Variants in CAST observed in about 807,000 individuals in gnomAD.
CAST encodes the protein calpastatin.
A neutral mutation model predicts 119.6 loss-of-function variants in CAST; 76 were observed. The observed-to-expected ratio is 0.64, with a 90% CI of 0.53 to 0.77. The LOEUF is 0.77. Among genes scored for constraint, CAST ranks in the 30% least tolerant of loss-of-function variants. CAST has a pLI of 0.00. For missense variants in CAST, 953 were observed against 946.5 expected (o/e 1.01, Z -0.09); for synonymous variants, 319 against 331.6 (o/e 0.96, Z 0.41).
chr5:96,662,729 AG>A (rs896066801), intron 1 of CAST, among the ~76,000 whole-genome samples: 9 of 151,716 alleles, frequency 5.9e-5, no homozygotes, highest in African/African-American at 2.2e-4. Context: ...GGTAGAGTGG[AG>A]GGGGGGACGC....
the CAST span, among the ~76,000 whole-genome samples, chr5:96,469,549 T>C: frequency 6.6e-6 from 1 of 151,980 alleles, no homozygotes; most frequent in South Asian, 2.1e-4. Context: ...GGATTATTCC[T>C]CAGGTTGTTG....
chr5:96,723,254 C>T (rs569851215), intron 4 of CAST, among the ~76,000 whole-genome samples: 5 of 152,176 alleles, frequency 3.3e-5, no homozygotes, highest in Admixed American at 6.5e-5. Flanking sequence ...AATGAGCCAC[C>T]GTGCCCGTGG....
At chr5:96,537,007 A>G (rs1745828607) in intron 1 of CAST, among the ~76,000 whole-genome samples, 2 of 152,258 alleles carry the variant, frequency 1.3e-5, no homozygotes, top group Non-Finnish European at 2.9e-5. Context: ...GAATCTACCC[A>G]GTGCTCAAAT....
the CAST span, among the ~76,000 whole-genome samples, chr5:96,095,902 G>GA: frequency 6.6e-6 from 1 of 152,090 alleles, no homozygotes; most frequent in Non-Finnish European, 1.5e-5. Context: ...TTAAATAACA[G>GA]AAAAAAGCAG....
At chr5:96,624,284 C>G (rs1025905075) in intron 1 of CAST, among the ~76,000 whole-genome samples, 4 of 152,168 alleles carry the variant, frequency 2.6e-5, no homozygotes, top group Non-Finnish European at 5.9e-5. Flanking sequence ...TATCCTTAGA[C>G]AGTAGAGTGT....
chr5:96,396,926 C>A, the CAST span, among the ~76,000 whole-genome samples: 27 of 152,168 alleles, frequency 1.8e-4, no homozygotes, highest in Non-Finnish European at 8.8e-5. Context: ...ATAGCTATTG[C>A]AGAATAATCA....
chr5:96,370,373 C>A, the CAST span, among the ~76,000 whole-genome samples: 3 of 152,202 alleles, frequency 2.0e-5, no homozygotes, highest in South Asian at 4.2e-4. Context: ...AAGAAGCAAG[C>A]AGCTGTAACA....
chr5:96,164,653 C>A, the CAST span, among the ~76,000 whole-genome samples: 14 of 152,106 alleles, frequency 9.2e-5, no homozygotes, highest in Non-Finnish European at 2.1e-4. Context: ...CCTATAATAG[C>A]CTGAACGTTG....
intron 1 of CAST, among the ~76,000 whole-genome samples, chr5:96,540,218 G>GA (rs1745887119): frequency 6.6e-6 from 1 of 151,642 alleles, no homozygotes; most frequent in African/African-American, 2.4e-5. Flanking sequence ...AAATCATAAG[G>GA]AAAAAAGTCA....
the CAST span, among the ~76,000 whole-genome samples, chr5:96,020,404 CG>C: frequency 2.2e-3 from 331 of 152,294 alleles, 2 homozygotes; most frequent in African/African-American, 7.5e-3. Context: ...CCACAACCCC[CG>C]GGCCACAGAC....
At chr5:96,687,821 T>C (rs1447552494) in intron 2 of CAST, among the ~76,000 whole-genome samples, 1 of 152,246 alleles carries the variant, frequency 6.6e-6, no homozygotes, top group African/African-American at 2.4e-5. Flanking sequence ...ATTGCTTCTC[T>C]GAATATAATT....
At chr5:96,722,720 T>A (rs1332418258) in intron 4 of CAST, 22 bp downstream of exon 4, 1 of 1,556,780 alleles carries the variant, frequency 6.4e-7, no homozygotes, top group Non-Finnish European at 8.9e-7. Flanking sequence ...GCTAATTGAG[T>A]GAGTGCTAAT....
chr5:96,082,137 C>T, the CAST span, among the ~76,000 whole-genome samples: 3 of 152,202 alleles, frequency 2.0e-5, no homozygotes, highest in African/African-American at 4.8e-5. Flanking sequence ...TGGTCTCAAA[C>T]TCTTGACCTC....
chr5:96,426,858 A>G, the CAST span, among the ~76,000 whole-genome samples: 1 of 152,222 alleles, frequency 6.6e-6, no homozygotes, highest in Non-Finnish European at 1.5e-5. Flanking sequence ...ACCATCCACT[A>G]AGACTGCCCT....
chr5:96,439,449 T>C, the CAST span, among the ~76,000 whole-genome samples: 1 of 152,164 alleles, frequency 6.6e-6, no homozygotes, highest in African/African-American at 2.4e-5. Context: ...GAATTCCCCA[T>C]GACTGAGGAA....
chr5:96,023,269 T>C, the CAST span, among the ~76,000 whole-genome samples: 1 of 152,140 alleles, frequency 6.6e-6, no homozygotes, highest in Non-Finnish European at 1.5e-5. Context: ...GAGGTCAATA[T>C]CTAGATGATT....
the CAST span, chr5:96,393,343 G>C: frequency 7.4e-6 from 12 of 1,613,938 alleles, no homozygotes; most frequent in South Asian, 1.3e-4. Context: ...TGGACACCAG[G>C]GTGTTCTCCT....
At chr5:96,765,423 T>G in intron 26 of CAST, 98 bp downstream of exon 26, 1 of 634,240 alleles carries the variant, frequency 1.6e-6, no homozygotes, top group South Asian at 2.0e-5. Flanking sequence ...TGATGTGAAC[T>G]TAACCTATAT....
At chr5:96,283,807 GTTTA>G in the CAST span, among the ~76,000 whole-genome samples, 3 of 152,156 alleles carry the variant, frequency 2.0e-5, no homozygotes, top group African/African-American at 7.2e-5. Flanking sequence ...ATGAAACTAT[GTTTA>G]TTTAGCTTAG....
Sources: gnomAD v4.1 joint callset for allele counts (sites outside exome capture counted in the v4.1 genomes callset) on GRCh38, gnomAD v4.1.1 for gene constraint, MANE v1.5 for transcripts, NCBI Gene and HGNC (gene_info 2026-07-23, HGNC 2026-07-21) for gene names.